KCNN2: variants seen among roughly 807,000 people sequenced by gnomAD.
KCNN2 encodes the protein small conductance calcium-activated potassium channel protein 2.
In KCNN2, 24 loss-of-function variants were observed where a neutral mutation model predicts 55.5. The ratio of observed to expected loss-of-function variants is 0.43; its 90% CI spans 0.31 to 0.61. The LOEUF is 0.61. Among genes scored for constraint, KCNN2 ranks in the 20% least tolerant of loss-of-function variants. KCNN2 has a pLI of 0.08. For synonymous variants in KCNN2, 431 were observed against 336.1 expected (o/e 1.28, Z -3.09); for missense variants, 754 against 853.6 (o/e 0.88, Z 1.45).
intron 1 of KCNN2, among the ~76,000 whole-genome samples, chr5:114,157,968 A>G (rs1203698453): frequency 6.6e-6 from 1 of 151,454 alleles, no homozygotes; most frequent in East Asian, 1.9e-4. Context: ...GTTCACTCTG[A>G]TGGTAGTTTC....
intron 1 of KCNN2, among the ~76,000 whole-genome samples, chr5:114,137,270 T>C (rs984099244): frequency 4.6e-5 from 7 of 152,092 alleles, no homozygotes; most frequent in Non-Finnish European, 1.0e-4. Flanking sequence ...TTTTAAAAAA[T>C]AATAGTCAAC....
In KCNN2 at chr5:114,293,670, C is replaced by T. The variant is rs553753386; in HGVS notation, c.-184-67275C>T. Among the ~76,000 whole-genome samples, 7 of 152,298 alleles carry T rather than the reference C, an allele frequency of 4.6e-5. No individual in the cohort carries two copies. In the East Asian group the frequency reaches 1.3e-3, roughly 29 times the overall value. On this transcript the variant is annotated intron_variant, in intron 2 of 10. Coordinates refer to the KCNN2 transcript ENST00000512097. ...AAAATTCTCTTTTTTTGTTGTGTCT[C>T]TGCGAGGCTTTGGTATCAGGATGAT...
intron 1 of KCNN2, among the ~76,000 whole-genome samples, chr5:114,200,783 A>T (rs1264403966): frequency 6.6e-6 from 1 of 151,780 alleles, no homozygotes; most frequent in Non-Finnish European, 1.5e-5. Flanking sequence ...GTTCTTTGGC[A>T]GTGGTCAGTG....
At chr5:114,118,173 C>T (rs12522520) in intron 1 of KCNN2, among the ~76,000 whole-genome samples, 13,660 of 152,162 alleles carry the variant, frequency 0.09, 897 homozygotes, top group East Asian at 0.25. Context: ...AAAGGCAAGT[C>T]TTGAACTCTC....
intron 1 of KCNN2, among the ~76,000 whole-genome samples, chr5:114,124,290 C>T (rs1387443589): frequency 6.6e-6 from 1 of 152,160 alleles, no homozygotes; most frequent in Non-Finnish European, 1.5e-5. Context: ...CCCCAAATCA[C>T]AAATAATTCT....
chr5:114,378,391 G>C (rs908199399), intron 2 of KCNN2, among the ~76,000 whole-genome samples: 1 of 152,216 alleles, frequency 6.6e-6, no homozygotes, highest in Non-Finnish European at 1.5e-5. Context: ...AAACATGGCT[G>C]AAAGTGTTTG....
chr5:114,371,623 G>A (rs1408639938), intron 2 of KCNN2, among the ~76,000 whole-genome samples: 1 of 152,128 alleles, frequency 6.6e-6, no homozygotes, highest in Non-Finnish European at 1.5e-5. Context: ...CAGACTGTAA[G>A]TTTTAGCATA....
At chr5:114,380,226 ATTG>A (rs1758075161) in intron 2 of KCNN2, among the ~76,000 whole-genome samples, 1 of 152,118 alleles carries the variant, frequency 6.6e-6, no homozygotes, top group Non-Finnish European at 1.5e-5. Context: ...TTCTGTGTCA[ATTG>A]TTGCCGTTTT....
chr5:114,297,492 T>A (rs1309421311), intron 2 of KCNN2, among the ~76,000 whole-genome samples: 1 of 152,162 alleles, frequency 6.6e-6, no homozygotes, highest in African/African-American at 2.4e-5. Flanking sequence ...GAGGCATCTC[T>A]CCTACTTTAC....
intron 1 of KCNN2, among the ~76,000 whole-genome samples, chr5:114,094,300 A>G (rs1170558033): frequency 1.3e-5 from 2 of 152,244 alleles, no homozygotes; most frequent in East Asian, 3.9e-4. Flanking sequence ...GATTATCTGT[A>G]GAACCACACT....
intron 3 of KCNN2, among the ~76,000 whole-genome samples, chr5:114,424,960 T>C (rs1759576484): frequency 6.6e-6 from 1 of 152,126 alleles, no homozygotes; most frequent in African/African-American, 2.4e-5. Context: ...TACCTCCATC[T>C]AAAGACGTTG....
chr5:114,214,676 C>T (rs964857163), intron 1 of KCNN2, among the ~76,000 whole-genome samples: 2 of 152,062 alleles, frequency 1.3e-5, no homozygotes, highest in Admixed American at 1.3e-4. Flanking sequence ...CCATATGGCT[C>T]AGATGCCTTC....
chr5:114,166,047 A>T lies in KCNN2; in HGVS notation c.-270-55433A>T, dbSNP rs1752903597. On this transcript the variant is annotated intron_variant, in intron 1 of 10. Coordinates refer to the KCNN2 transcript ENST00000512097. The stretch of plus-strand genomic sequence containing the variant: ...TTAAAAACATTTCTTCTTATGAAAC[A>T]ATTCTTTTTTTTATTATTATTTTTA... 4.0e-5 allele frequency among the ~76,000 whole-genome samples: 6 copies of T among 151,848 alleles called. No homozygotes were observed. In the South Asian group the frequency reaches 1.2e-3, roughly 31 times the overall value.
At chr5:114,491,585 C>T (rs1359766850) in intron 6 of KCNN2, among the ~76,000 whole-genome samples, 1 of 143,262 alleles carries the variant, frequency 7.0e-6, no homozygotes, top group Non-Finnish European at 1.5e-5. Flanking sequence ...TAGGACCAGA[C>T]TATGATGTTT....
At chr5:114,466,793 A>T (rs1264927044) in intron 4 of KCNN2, among the ~76,000 whole-genome samples, 5 of 152,144 alleles carry the variant, frequency 3.3e-5, no homozygotes, top group Non-Finnish European at 7.4e-5. Flanking sequence ...GTGATTTATA[A>T]ACCACTAGAC....
chr5:114,168,732 C>T (rs1367074302), intron 1 of KCNN2, among the ~76,000 whole-genome samples: 1 of 152,040 alleles, frequency 6.6e-6, no homozygotes, highest in Non-Finnish European at 1.5e-5. Context: ...CTAACACTTG[C>T]TGAAATTATG....
At chr5:114,441,199 A>G (rs963622422) in intron 3 of KCNN2, among the ~76,000 whole-genome samples, 16 of 151,852 alleles carry the variant, frequency 1.1e-4, no homozygotes, top group East Asian at 3.8e-4. Context: ...ATAAAATAAA[A>G]CAGTGAGCAA....
chr5:114,466,712 C>T (rs1761470734), intron 4 of KCNN2, among the ~76,000 whole-genome samples: 1 of 151,950 alleles, frequency 6.6e-6, no homozygotes, highest in African/African-American at 2.4e-5. Flanking sequence ...GTTTAATTAT[C>T]TTTAAATATC....
chr5:114,346,653 G>T (rs887656984), intron 2 of KCNN2, among the ~76,000 whole-genome samples: 7 of 151,470 alleles, frequency 4.6e-5, no homozygotes, highest in African/African-American at 7.3e-5. Flanking sequence ...GTGTGTATGG[G>T]TTCATATACA....
Sources: allele counts gnomAD v4.1 joint callset (sites outside exome capture counted in the v4.1 genomes callset), GRCh38; gene constraint gnomAD v4.1.1; transcripts MANE v1.5; gene names NCBI Gene and HGNC (gene_info 2026-07-23, HGNC 2026-07-21).